The following LRRC69 variants were observed in gnomAD, a reference collection of about 807,000 sequenced individuals.
LRRC69 encodes leucine-rich repeat-containing protein 69.
Under a neutral mutation model 37.8 loss-of-function variants are expected in LRRC69, and 42 were observed. The observed-to-expected ratio is 1.11, with a 90% CI of 0.87 to 1.44. The LOEUF (loss-of-function observed/expected upper bound fraction) is 1.44. Ranked by LOEUF, LRRC69 falls within the 40% of genes most tolerant of loss-of-function variation. LRRC69 has a pLI of 0.00. For missense variants in LRRC69, 357 were observed against 401.9 expected, an observed-to-expected ratio of 0.89 and a Z score of 0.96; for synonymous variants, 141 against 143.1, an observed-to-expected ratio of 0.99 and a Z score of 0.11.
chr8:91,200,590 C>G, intron 6 of LRRC69, 23 bp from the exon 7 acceptor site: 2 of 1,366,942 alleles, frequency 1.5e-6, no homozygotes, highest in Non-Finnish European at 1.9e-6. Context: ...ATCTGAGGAA[C>G]TGTATTTTTT....
At position 91,157,223 on chromosome 8, in the gene LRRC69, C is replaced by T. The variant is rs1362811333; in HGVS notation, c.651+21484C>T. ...GCTTTGTGTAATATAATCACTTTAA[C>T]ATTATGAATTCTGACATTAGAAAGC... On this transcript the variant is annotated intron_variant, in intron 5 of 7. Transcript: ENST00000448384. The T allele has an allele frequency of 3.4e-6, 4 of 1,169,394 alleles. 1 individual carries two copies. The Admixed American group carries it at 5.8e-5, about 17-fold the overall frequency. The allele number at this position is 1,169,394 out of a possible 1,614,324, so 72.4% of individuals were successfully genotyped here.
chr8:91,124,404 T>C, intron 1 of LRRC69, 89 bp from the exon 2 acceptor site: 1 of 1,000,660 alleles, frequency 1.0e-6, no homozygotes, highest in Non-Finnish European at 1.4e-6. Context: ...TTAGGTTACA[T>C]AGATGTGAGC....
intron 5 of LRRC69, among the ~76,000 whole-genome samples, chr8:91,153,432 A>G (rs1808777031): frequency 6.6e-6 from 1 of 151,042 alleles, no homozygotes; most frequent in South Asian, 2.1e-4. Flanking sequence ...GCCACGTGGT[A>G]CTTACTCTAA....
intron 1 of LRRC69, among the ~76,000 whole-genome samples, chr8:91,117,462 C>G (rs541186730): frequency 3.3e-5 from 5 of 151,232 alleles, no homozygotes; most frequent in African/African-American, 7.3e-5. Context: ...GTGGGAGAAG[C>G]AGATCTAGTT....
rs543065107 is a variant in LRRC69 at position 91,205,133 on chromosome 8, G to A, written c.933+4341G>A. 7.9e-5 allele frequency among the ~76,000 whole-genome samples: 12 copies of A among 152,154 alleles called. No individual in the cohort carries two copies. In the South Asian group the frequency reaches 2.5e-3, roughly 32 times the overall value. ...TTTTCAGGGCAAAAATAGAAGAATA[G>A]ATTCGAATTATAAAAAATATGAATG... On this transcript the variant is annotated intron_variant, in intron 7 of 7. Coordinates refer to ENST00000448384, the Ensembl canonical transcript of LRRC69.
At chr8:91,154,929 A>G (rs1350723808) in intron 5 of LRRC69, among the ~76,000 whole-genome samples, 1 of 151,600 alleles carries the variant, frequency 6.6e-6, no homozygotes, top group Non-Finnish European at 1.5e-5. Flanking sequence ...AAGGAAATCA[A>G]ATTGTCTCTG....
chr8:91,197,618 C>G (rs547816502), intron 6 of LRRC69, among the ~76,000 whole-genome samples: 2 of 152,116 alleles, frequency 1.3e-5, no homozygotes, highest in African/African-American at 2.4e-5. Flanking sequence ...AGATGCCGTC[C>G]GACACCCCTT....
intron 5 of LRRC69, among the ~76,000 whole-genome samples, chr8:91,144,438 T>A (rs543417229): frequency 3.3e-5 from 5 of 151,860 alleles, no homozygotes; most frequent in African/African-American, 1.2e-4. Flanking sequence ...CTGAAGGGGG[T>A]CTCCTTTCCC....
chr8:91,152,711 C>G (rs973032482), intron 5 of LRRC69, among the ~76,000 whole-genome samples: 7 of 151,436 alleles, frequency 4.6e-5, no homozygotes, highest in Non-Finnish European at 1.0e-4. Flanking sequence ...CTATAAATTA[C>G]TTTGGACATT....
chr8:91,115,457 A>G (rs945498969), intron 1 of LRRC69, among the ~76,000 whole-genome samples: 4 of 151,990 alleles, frequency 2.6e-5, no homozygotes, highest in Non-Finnish European at 4.4e-5. Context: ...TTGTCACAGC[A>G]GGATTGTGTA....
intron 5 of LRRC69, among the ~76,000 whole-genome samples, chr8:91,167,141 A>G (rs1285120013): frequency 5.3e-5 from 8 of 151,880 alleles, no homozygotes; most frequent in Non-Finnish European, 1.5e-5. Flanking sequence ...GCTTCTAGGG[A>G]AGGCTGTAGT....
At chr8:91,148,086 A>AT (rs530394098) in intron 5 of LRRC69, among the ~76,000 whole-genome samples, 22 of 147,674 alleles carry the variant, frequency 1.5e-4, no homozygotes, top group South Asian at 6.5e-4. Flanking sequence ...ATGTGTACCA[A>AT]TTTTTTTTAT....
At chr8:91,129,221 CAGAG>C (rs959145500) in intron 3 of LRRC69, among the ~76,000 whole-genome samples, 2 of 151,652 alleles carry the variant, frequency 1.3e-5, no homozygotes, top group East Asian at 1.9e-4. Flanking sequence ...GTCTGGAAGA[CAGAG>C]AGAGAGAGCA....
In LRRC69 at chr8:91,107,978, C is replaced by A. The variant is rs905386945; in HGVS notation, c.183+5134C>A. Among the ~76,000 whole-genome samples the A allele has an allele frequency of 8.2e-4, 124 of 152,012 alleles. 2 individuals carry two copies. Among genetic ancestry groups the A allele is most frequent in the Non-Finnish European group, 5.4e-4 (37 of 68,024 alleles). On this transcript the variant is annotated intron_variant, in intron 1 of 7. Coordinates refer to ENST00000448384, the Ensembl canonical transcript of LRRC69. ...AGTAATTTTCAAAGTCCTGCCTAACCAAACACACGTAGGAACAAAGGTTCC... is the reference window on the plus strand; with the variant it reads ...AGTAATTTTCAAAGTCCTGCCTAACAAAACACACGTAGGAACAAAGGTTCC...
chr8:91,132,738 A>G (rs535421120), intron 3 of LRRC69, among the ~76,000 whole-genome samples: 208 of 152,078 alleles, frequency 1.4e-3, no homozygotes, highest in African/African-American at 4.6e-3. Flanking sequence ...ATGTATGCTT[A>G]TGCCTGTTCC....
chr8:91,120,341 A>G (rs1287888595), intron 1 of LRRC69, among the ~76,000 whole-genome samples: 3 of 152,060 alleles, frequency 2.0e-5, no homozygotes, highest in African/African-American at 7.2e-5. Context: ...GTTACACTAT[A>G]TATCTGGGAA....
intron 6 of LRRC69, among the ~76,000 whole-genome samples, chr8:91,196,565 A>G (rs1183913996): frequency 1.3e-5 from 2 of 151,640 alleles, no homozygotes; most frequent in Non-Finnish European, 2.9e-5. Context: ...TTTTTCTCTA[A>G]ACTTCCCTTC....
intron 5 of LRRC69, among the ~76,000 whole-genome samples, chr8:91,177,563 G>GCTC (rs1419131103): frequency 9.9e-5 from 15 of 151,912 alleles, no homozygotes; most frequent in African/African-American, 3.6e-4. Context: ...ATAGTATTAG[G>GCTC]CTCCTATATA....
At chr8:91,109,299 G>T (rs1014549267) in intron 1 of LRRC69, among the ~76,000 whole-genome samples, 3 of 152,016 alleles carry the variant, frequency 2.0e-5, no homozygotes, top group Non-Finnish European at 4.4e-5. Context: ...CTTCACTAGT[G>T]ATGTGGAAAA....
Sources: allele counts gnomAD v4.1 joint callset (sites outside exome capture counted in the v4.1 genomes callset), GRCh38; gene constraint gnomAD v4.1.1; transcripts MANE v1.5; gene names NCBI Gene and HGNC (gene_info 2026-07-23, HGNC 2026-07-21).